The following HOXC4 variants were observed in gnomAD, a reference collection of about 807,000 sequenced individuals.
HOXC4 encodes homeobox protein Hox-C4.
HOXC4 carries 15 observed loss-of-function variants against 25.5 expected under a neutral mutation model. The observed-to-expected ratio is 0.59, with a 90% confidence interval of 0.39 to 0.91. HOXC4 has a LOEUF of 0.91. Among genes scored for constraint, HOXC4 ranks in the 40% least tolerant of loss-of-function variants. The pLI, the probability that HOXC4 is intolerant of heterozygous loss-of-function variation, is 0.00. For synonymous variants in HOXC4, 165 were observed against 148.0 expected, an observed-to-expected ratio of 1.11 and a Z score of -0.83; for missense variants, 342 against 352.4, an observed-to-expected ratio of 0.97 and a Z score of 0.24.
chr12:54,032,798 T>C, intron 1 of HOXC4: 1 of 163,338 alleles, frequency 6.1e-6, no homozygotes, highest in South Asian at 2.0e-4. Flanking sequence ...CAAGAACCTT[T>C]TTTTTTTTTT....
At chr12:54,030,424 C>T (rs1025456807) in intron 1 of HOXC4, 2 of 153,496 alleles carry the variant, frequency 1.3e-5, no homozygotes, top group African/African-American at 4.8e-5. Flanking sequence ...GAGGGCGCGC[C>T]TTGGCCCCAC....
chr12:54,055,233 C>T lies in HOXC4; in HGVS notation c.*28C>T, dbSNP rs1250035186. 4.8e-6 allele frequency: 6 copies of T among 1,259,820 alleles called. No homozygotes were observed. The Admixed American group carries it at 1.1e-4, about 23-fold the overall frequency. 78.0% of individuals were successfully genotyped at this position (1,259,820 alleles called of 1,614,324 possible). On this transcript the variant is annotated 3_prime_UTR_variant, in exon 2 of 2. Coordinates refer to ENST00000430889, the MANE Select transcript of HOXC4 (RefSeq NM_153633.3). ...CATAACTCACACCCCTGCCCCCACC[C>T]CATGCCCCCACCCTCCCCTCACACA...
chr12:54,050,511 T>C (rs930695235), upstream of HOXC4, among the ~76,000 whole-genome samples: 14 of 152,198 alleles, frequency 9.2e-5, no homozygotes, highest in Admixed American at 3.9e-4. Context: ...CAGGACCAGA[T>C]ACAAGGATTC....
chr12:54,033,219 G>A, intron 1 of HOXC4: 1 of 1,614,186 alleles, frequency 6.2e-7, no homozygotes, highest in Non-Finnish European at 8.5e-7. Context: ...GGCCTCAGAG[G>A]TGCAGGCATC....
At chr12:54,017,992 C>A (rs752740751) in intron 1 of HOXC4, among the ~76,000 whole-genome samples, 3 of 152,168 alleles carry the variant, frequency 2.0e-5, no homozygotes, top group East Asian at 1.9e-4. Flanking sequence ...AGGAAGCCGG[C>A]GCAGCTAGGC....
rs1228342101 is a variant in HOXC4, at chr12:54,033,935, G to A, written c.-124+16521G>A. On this transcript the variant is annotated intron_variant, in intron 1 of 3. Transcript: ENST00000303406. The stretch of plus-strand genomic sequence containing the variant: ...CGGCTCCGCCGGCGCTTGCGGCTCC[G>A]GAGGATTCCAGCGACTCGGGAGGGG... The A allele has an allele frequency of 3.5e-5, 15 of 433,338 alleles. No individual in the cohort carries two copies. The East Asian group carries it at 7.4e-4, about 21-fold the overall frequency. 26.8% of individuals were successfully genotyped at this position (433,338 alleles called of 1,614,324 possible).
At chr12:54,034,309 C>CA in intron 1 of HOXC4, 2 of 1,614,110 alleles carry the variant, frequency 1.2e-6, no homozygotes, top group Non-Finnish European at 1.7e-6. Flanking sequence ...GAACCAGTTA[C>CA]ACGCGCTACC....
chr12:54,037,855 A>G (rs773164643), intron 1 of HOXC4: 4 of 152,194 alleles, frequency 2.6e-5, no homozygotes, highest in Non-Finnish European at 5.9e-5. Flanking sequence ...TGACAAACCC[A>G]CAATATATTT....
intron 1 of HOXC4, chr12:54,033,853 G>C (rs1000396997): frequency 1.9e-6 from 1 of 518,918 alleles, no homozygotes; most frequent in Non-Finnish European, 3.5e-6. Flanking sequence ...GGTGAGGAGC[G>C]CGGGGCTCCA....
intron 1 of HOXC4, among the ~76,000 whole-genome samples, chr12:54,024,697 G>A (rs1940612158): frequency 6.8e-6 from 1 of 146,752 alleles, no homozygotes; most frequent in Non-Finnish European, 1.5e-5. Context: ...GAGCTCACAT[G>A]CCCCCAGCCT....
At chr12:54,046,867 C>T (rs1937724469) in intron 1 of HOXC4, among the ~76,000 whole-genome samples, 1 of 152,160 alleles carries the variant, frequency 6.6e-6, no homozygotes, top group Non-Finnish European at 1.5e-5. Flanking sequence ...AGCGTGTTCC[C>T]GGGCGGAGGT....
chr12:54,023,612 T>C (rs2136425136), intron 1 of HOXC4, among the ~76,000 whole-genome samples: 2 of 152,254 alleles, frequency 1.3e-5, no homozygotes, highest in South Asian at 2.1e-4. Flanking sequence ...GCCCTCTTCC[T>C]CCTTTCCCCC....
chr12:54,032,849 C>T (rs533708445), intron 1 of HOXC4: 2 of 276,182 alleles, frequency 7.2e-6, no homozygotes, highest in Non-Finnish European at 1.3e-5. Context: ...TCCCTCTCCC[C>T]CTTGGTTGGG....
chr12:54,038,332 G>A (rs1941221059), intron 1 of HOXC4, among the ~76,000 whole-genome samples: 1 of 152,204 alleles, frequency 6.6e-6, no homozygotes, highest in South Asian at 2.1e-4. Context: ...AAAGCAAGCG[G>A]CAGCAACAAG....
intron 1 of HOXC4, among the ~76,000 whole-genome samples, chr12:54,019,116 C>G: frequency 6.8e-6 from 1 of 146,368 alleles, no homozygotes; most frequent in Non-Finnish European, 1.5e-5. Flanking sequence ...TCGCAGCCAT[C>G]ATAAAGGCCT....
At chr12:54,052,506 G>A (rs1393208961), upstream of HOXC4, among the ~76,000 whole-genome samples, 1 of 151,068 alleles carries the variant, frequency 6.6e-6, no homozygotes, top group Non-Finnish European at 1.5e-5. Context: ...GCTACCCCCC[G>A]CAACTCTGAG....
Position 54,054,155 on chromosome 12 carries a change from C to T in HOXC4, c.233C>T (p.Ser78Leu), listed in dbSNP as rs751434557. 2 of 1,614,032 alleles carry T rather than the reference C, an allele frequency of 1.2e-6. No homozygotes were observed. The highest frequency in any genetic ancestry group is 1.1e-5 in the South Asian group (1 of 91,076). ...SCTSLQGPGN[S>L]RGHGPAQAGH... ...ACCAGTCTCCAGGGGCCCGGCAATT[C>T]GCGAGGCCACGGGCCGGCCCAGGCG... The change falls in exon 1 of 2, where the codon TCG (serine) becomes TTG (leucine). Residue 78 changes from serine to leucine, a missense_variant. Transcript: ENST00000430889.
intron 1 of HOXC4, among the ~76,000 whole-genome samples, chr12:54,045,168 T>C (rs757319117): frequency 6.6e-6 from 1 of 152,262 alleles, no homozygotes; most frequent in Non-Finnish European, 1.5e-5. Flanking sequence ...TAGGACTCCA[T>C]GCAAATAATC....
At chr12:54,052,550 T>A (rs1346089157), upstream of HOXC4, among the ~76,000 whole-genome samples, 1 of 148,264 alleles carries the variant, frequency 6.7e-6, no homozygotes, top group South Asian at 2.2e-4. Context: ...ATCGGTGGCA[T>A]GACAGGACCA....
Sources: allele counts gnomAD v4.1 joint callset (sites outside exome capture counted in the v4.1 genomes callset), GRCh38; gene constraint gnomAD v4.1.1; transcripts MANE v1.5; gene names NCBI Gene and HGNC (gene_info 2026-07-23, HGNC 2026-07-21).